Variants in PCDHA3 observed in about 807,000 individuals in gnomAD.
The protein encoded by PCDHA3 is protocadherin alpha 3.
Under a neutral mutation model 62.2 loss-of-function variants are expected in PCDHA3, and 41 were observed. The observed-to-expected ratio is 0.66, with a 90% CI of 0.51 to 0.86. The LOEUF (loss-of-function observed/expected upper bound fraction) is 0.86. Ranked by LOEUF, PCDHA3 falls within the 40% of genes least tolerant of loss-of-function variation. PCDHA3 has a pLI of 0.00. For missense variants in PCDHA3, 1,304 were observed against 1,241.2 expected, an observed-to-expected ratio of 1.05 and a Z score of -0.76; for synonymous variants, 640 against 555.4, an observed-to-expected ratio of 1.15 and a Z score of -2.14.
intron 1 of PCDHA3, among the ~76,000 whole-genome samples, chr5:140,965,939 C>A (rs1554227944): frequency 6.6e-6 from 1 of 152,188 alleles, no homozygotes; most frequent in Admixed American, 6.5e-5. Flanking sequence ...GGAAAGAGGG[C>A]AGCATTTGCC....
intron 1 of PCDHA3, chr5:140,855,937 A>G: frequency 7.7e-7 from 1 of 1,306,456 alleles, no homozygotes; most frequent in Non-Finnish European, 1.1e-6. Flanking sequence ...TCATTCTGAG[A>G]TCTCAGCCAT....
intron 1 of PCDHA3, among the ~76,000 whole-genome samples, chr5:140,959,554 A>G (rs1375729843): frequency 6.6e-6 from 1 of 152,210 alleles, no homozygotes; most frequent in Non-Finnish European, 1.5e-5. Context: ...TATAAATAGA[A>G]TCAGTACTAG....
In PCDHA3 at chr5:140,842,710, C is replaced by T. The variant is rs2150342683; in HGVS notation, c.2394+39119C>T. On this transcript the variant is annotated intron_variant, in intron 1 of 3. Coordinates refer to ENST00000522353, the MANE Select transcript of PCDHA3 (RefSeq NM_018906.3). ...TCGCGCAGCCCGAGTACACGGTGTT[C>T]GTGAAGGAGAACAACCCGCCGGGCT... The T allele has an allele frequency of 1.4e-5, 23 of 1,595,008 alleles. 3 individuals carry two copies. The Admixed American group carries it at 3.2e-4, about 22-fold the overall frequency.
chr5:140,919,593 T>A (rs541275874), intron 1 of PCDHA3, among the ~76,000 whole-genome samples: 1 of 152,332 alleles, frequency 6.6e-6, no homozygotes, highest in South Asian at 2.1e-4. Flanking sequence ...TGGTAATTTT[T>A]AAAATAAATT....
At chr5:140,905,135 T>A (rs2071619691) in intron 1 of PCDHA3, among the ~76,000 whole-genome samples, 1 of 152,208 alleles carries the variant, frequency 6.6e-6, no homozygotes, top group Non-Finnish European at 1.5e-5. Context: ...GAAGAGTTTT[T>A]CTGCTGTTAT....
chr5:140,835,475 A>G (rs141258579), intron 1 of PCDHA3: 5 of 1,613,920 alleles, frequency 3.1e-6, no homozygotes, highest in Middle Eastern at 1.6e-4. Context: ...AGGACGCCCA[A>G]CCAGGTACCG....
At chr5:140,927,729 G>C (rs2084563367) in intron 1 of PCDHA3, 1 of 1,614,098 alleles carries the variant, frequency 6.2e-7, no homozygotes, top group South Asian at 1.1e-5. Context: ...CGCAAGCAGA[G>C]CTGCGACACC....
At chr5:140,927,118 G>A in intron 1 of PCDHA3, 2 of 1,613,946 alleles carry the variant, frequency 1.2e-6, no homozygotes, top group Non-Finnish European at 1.7e-6. Context: ...CGGCAATTTG[G>A]TGGTCAGAGA....
chr5:140,947,625 T>C (rs2094153389), intron 1 of PCDHA3, among the ~76,000 whole-genome samples: 1 of 151,648 alleles, frequency 6.6e-6, no homozygotes, highest in Non-Finnish European at 1.5e-5. Context: ...CAATATTGAG[T>C]CATCAGATCG....
intron 1 of PCDHA3, chr5:140,966,441 CT>C (rs1165111455): frequency 7.1e-6 from 3 of 424,684 alleles, no homozygotes; most frequent in African/African-American, 4.1e-5. Context: ...CTACCGCTCC[CT>C]TTCCCCCTCC....
intron 1 of PCDHA3, among the ~76,000 whole-genome samples, chr5:140,826,676 T>A (rs1377282771): frequency 6.6e-6 from 1 of 152,118 alleles, no homozygotes; most frequent in Non-Finnish European, 1.5e-5. Context: ...GTAGACGTAA[T>A]TAAAAAAACC....
At position 140,801,411 on chromosome 5, in the gene PCDHA3, G is replaced by C. The variant is rs201362111; in HGVS notation, c.214G>C (p.Gly72Arg). 8 of 1,613,736 alleles carry C rather than the reference G, an allele frequency of 5.0e-6. No homozygotes were observed. Among genetic ancestry groups the C allele is most frequent in the African/African-American group, 4.0e-5 (3 of 75,024 alleles). ...GTTCCGGGTGGCGTCCAAAAGACAC[G>C]GGGACCTTCTGGAGGTAAATCTGCA... ...RLFRVASKRH[G>R]DLLEVNLQNG... Residue 72 changes from glycine (G) to arginine (R), a missense_variant, in exon 1 of 4, where the codon GGG (glycine) becomes CGG (arginine). Transcript: ENST00000522353.
In PCDHA3 at chr5:141,011,141, A is replaced by T. The variant is rs1039778930; in HGVS notation, c.*1204A>T. ...ACAATTATGTGCACTTTGATACACA[A>T]CCTTCTCTAACCAACTATATATCAA... is the stretch of plus-strand genomic sequence containing the variant. On this transcript the variant is annotated 3_prime_UTR_variant, in exon 4 of 4. Transcript: ENST00000522353. 2.6e-5 allele frequency: 4 copies of T among 153,668 alleles called. No homozygotes were observed. The highest frequency in any genetic ancestry group is 4.4e-5 in the Non-Finnish European group (3 of 68,036). The allele number at this position is 153,668 out of a possible 1,614,324, so 9.5% of individuals were successfully genotyped here. A position where few individuals can be genotyped will look rare whatever the true frequency, so the allele number is the denominator to read the frequency against.
chr5:140,803,122 C>T lies in PCDHA3; in HGVS notation c.1925C>T (p.Ala642Val), dbSNP rs1554122584. The change falls in exon 1 of 4, where the codon GCC becomes GTC. Residue 642 changes from alanine (A) to valine (V), a missense_variant. Transcript: ENST00000522353. ...STTRALDEVD[A>V]PRHRLLVLVK... ...ACCCGTGCCCTGGACGAGGTGGACGCCCCGCGCCATCGCCTACTGGTGCTG... is the reference window on the plus strand; with the variant it reads ...ACCCGTGCCCTGGACGAGGTGGACGTCCCGCGCCATCGCCTACTGGTGCTG... 6.2e-7 allele frequency: 1 copy of T among 1,613,804 alleles called. No homozygotes were observed. The highest frequency in any genetic ancestry group is 1.1e-5 in the South Asian group (1 of 91,078).
chr5:140,827,864 T>C, intron 1 of PCDHA3: 1 of 608,420 alleles, frequency 1.6e-6, no homozygotes, highest in Non-Finnish European at 2.9e-6. Flanking sequence ...ATATATGGTA[T>C]AGCACTGTTA....
chr5:140,875,826 T>C lies in PCDHA3; in HGVS notation c.2394+72235T>C, dbSNP rs367888868. ...TGGACAGGCCGCTGCAGGTTTTCCA[T>C]GTGGACGTGGAGGTGAAGGACATTA... is the stretch of plus-strand genomic sequence containing the variant. On this transcript the variant is annotated intron_variant, in intron 1 of 3. Coordinates refer to ENST00000522353, the MANE Select transcript of PCDHA3 (RefSeq NM_018906.3). 25 of 1,614,126 alleles carry C rather than the reference T, an allele frequency of 1.5e-5. No homozygotes were observed. In the African/African-American group the frequency reaches 2.3e-4, roughly 15 times the overall value.
At chr5:140,954,014 A>T (rs782347890) in intron 1 of PCDHA3, among the ~76,000 whole-genome samples, 1 of 152,038 alleles carries the variant, frequency 6.6e-6, no homozygotes, top group Non-Finnish European at 1.5e-5. Context: ...CAGCTCCCAC[A>T]CATAGTGGGA....
At chr5:140,908,985 C>G (rs2074252217) in intron 1 of PCDHA3, among the ~76,000 whole-genome samples, 1 of 152,130 alleles carries the variant, frequency 6.6e-6, no homozygotes, top group African/African-American at 2.4e-5. Context: ...CCACTGGACC[C>G]CTAGAAATTT....
chr5:140,809,860 C>G (rs1305096062), intron 1 of PCDHA3: 4 of 291,016 alleles, frequency 1.4e-5, no homozygotes, highest in Non-Finnish European at 2.5e-5. Context: ...TTTTAGAAAA[C>G]ATTTTACTAT....
Sources: gnomAD v4.1 joint callset for allele counts (sites outside exome capture counted in the v4.1 genomes callset) on GRCh38, gnomAD v4.1.1 for gene constraint, MANE v1.5 for transcripts, NCBI Gene and HGNC (gene_info 2026-07-23, HGNC 2026-07-21) for gene names.